The following RAB3IL1 variants were observed in gnomAD, a reference collection of about 807,000 sequenced individuals.
RAB3IL1 encodes guanine nucleotide exchange factor for Rab-3A.
Under a neutral mutation model 49.2 loss-of-function variants are expected in RAB3IL1, and 37 were observed. The ratio of observed to expected loss-of-function variants is 0.75; its 90% CI spans 0.58 to 0.99. RAB3IL1 has a LOEUF of 0.99. Ranked by LOEUF, RAB3IL1 falls within the 50% of genes least tolerant of loss-of-function variation. The probability of loss-of-function intolerance (pLI) is 0.00; values close to 1 mark genes in which losing one functional copy is unlikely to be tolerated. For missense variants in RAB3IL1, 484 were observed against 513.0 expected (o/e 0.94, Z 0.55); for synonymous variants, 193 against 213.9 (o/e 0.90, Z 0.85).
At position 61,899,443 on chromosome 11, in the gene RAB3IL1, G is replaced by A. The variant is rs1481834028; in HGVS notation, c.1000-63C>T. On this transcript the variant is annotated intron_variant, in intron 8 of 9. Transcript: ENST00000394836. ...CCACGCTGGGGGTCCCCTGACAGGCGGATCTGAGTCCAGAGCAGGAGGCCC... is the reference window on the plus strand; with the variant it reads ...CCACGCTGGGGGTCCCCTGACAGGCAGATCTGAGTCCAGAGCAGGAGGCCC... 19 of 1,518,084 alleles carry A rather than the reference G, an allele frequency of 1.3e-5. 1 individual carries two copies. The highest frequency in any genetic ancestry group is 9.2e-5 in the South Asian group (8 of 86,538). 94.0% of individuals were successfully genotyped at this position (1,518,084 alleles called of 1,614,324 possible).
chr11:61,944,977 A>G, the RAB3IL1 span, among the ~76,000 whole-genome samples: 1 of 152,202 alleles, frequency 6.6e-6, no homozygotes, highest in African/African-American at 2.4e-5. Context: ...CTGGGATTAC[A>G]GGTAGGAGCC....
At chr11:61,945,061 T>A in the RAB3IL1 span, among the ~76,000 whole-genome samples, 1 of 152,164 alleles carries the variant, frequency 6.6e-6, no homozygotes, top group East Asian at 1.9e-4. Context: ...AGGCTGTAGC[T>A]GTGGAAGCCC....
upstream of RAB3IL1, among the ~76,000 whole-genome samples, chr11:61,919,575 C>T (rs770817082): frequency 9.9e-5 from 15 of 152,240 alleles, no homozygotes; most frequent in Admixed American, 3.3e-4. Flanking sequence ...ACTAGAGGCT[C>T]ACTGGCAGCT....
Position 61,917,555 on chromosome 11 carries a change from T to C in RAB3IL1, c.-188A>G. ...CCCCAGCCCAGCCCCGACCCTGCCC[T>C]GGGCGGGTCACGTGGCGGAGGGGGG... is the stretch of plus-strand genomic sequence containing the variant. On this transcript the variant is annotated 5_prime_UTR_variant, in exon 1 of 10. Transcript: ENST00000394836. 1 of 1,096,800 alleles carries C rather than the reference T, an allele frequency of 9.1e-7. No individual in the cohort carries two copies. Among genetic ancestry groups the C allele is most frequent in the Non-Finnish European group, 1.1e-6 (1 of 903,528 alleles). 67.9% of individuals were successfully genotyped at this position (1,096,800 alleles called of 1,614,324 possible). A position where few individuals can be genotyped will look rare whatever the true frequency, so the allele number is the denominator to read the frequency against.
chr11:61,923,435 A>T (rs1939947729), upstream of RAB3IL1, among the ~76,000 whole-genome samples: 1 of 152,082 alleles, frequency 6.6e-6, no homozygotes. Context: ...TCACGAGGGG[A>T]GGCTCACAAG....
In RAB3IL1 at chr11:61,906,797, TC is replaced by T; in HGVS notation, c.439-114del. The T allele has an allele frequency of 9.9e-7, 1 of 1,009,638 alleles. No individual in the cohort carries two copies. The highest frequency in any genetic ancestry group is 1.6e-5 in the African/African-American group (1 of 63,230). The allele number at this position is 1,009,638 out of a possible 1,614,324, so 62.5% of individuals were successfully genotyped here. On this transcript the variant is annotated intron_variant, in intron 4 of 9. Coordinates refer to ENST00000394836, the MANE Select transcript of RAB3IL1 (RefSeq NM_013401.4). The surrounding 1 kb of genome is among the most constrained non-coding windows in gnomAD (Gnocchi z 4.6). ...CACCCCTGCAGTGACAGGCACTTAGTCCCACCCGACGCCCTCAGAACAGCCT... is the reference window on the plus strand; with the variant it reads ...CACCCCTGCAGTGACAGGCACTTAGTCCACCCGACGCCCTCAGAACAGCCT...
chr11:61,899,285 C>A (rs746752248), intron 9 of RAB3IL1, 29 bp downstream of exon 9: 1 of 1,596,056 alleles, frequency 6.3e-7, no homozygotes, highest in South Asian at 1.1e-5. Context: ...CGTGTGCGAT[C>A]CCTGCACCGG....
intron 1 of RAB3IL1, among the ~76,000 whole-genome samples, chr11:61,911,901 C>T (rs1171962923): frequency 6.6e-6 from 1 of 152,088 alleles, no homozygotes; most frequent in Non-Finnish European, 1.5e-5. Context: ...CCAGGCCCAC[C>T]CTAGGAGGGC....
chr11:61,908,124 C>A lies in RAB3IL1; in HGVS notation c.194G>T (p.Arg65Leu). 1.2e-6 allele frequency: 2 copies of A among 1,606,314 alleles called. No individual in the cohort carries two copies. Among genetic ancestry groups the A allele is most frequent in the Non-Finnish European group, 8.5e-7 (1 of 1,178,202 alleles). ...AAAQLDVLRL[R>L]SSSMEIREKG... The stretch of plus-strand genomic sequence containing the variant: ...CTCTCGGATCTCCATGGAAGAGCTG[C>A]GCAGGCGCAACACGTCCAGCTGGGC... Residue 65 changes from arginine to leucine, a missense_variant, in exon 2 of 10, where the codon CGC (arginine) becomes CTC (leucine). Transcript: ENST00000394836.
chr11:61,905,012 G>T, intron 5 of RAB3IL1, 130 bp from the exon 6 acceptor site: 1 of 683,962 alleles, frequency 1.5e-6, no homozygotes, highest in Non-Finnish European at 2.5e-6. Flanking sequence ...TCGATCCCCA[G>T]CAGCCGTGCA....
chr11:61,931,117 G>A, the RAB3IL1 span, among the ~76,000 whole-genome samples: 16 of 152,108 alleles, frequency 1.1e-4, no homozygotes, highest in Non-Finnish European at 1.9e-4. Flanking sequence ...AGATCAAAGC[G>A]AACCGATAAG....
chr11:61,939,157 T>G, the RAB3IL1 span, among the ~76,000 whole-genome samples: 1 of 152,032 alleles, frequency 6.6e-6, no homozygotes, highest in South Asian at 2.1e-4. Flanking sequence ...TCTTAATAAA[T>G]TTTAAAGAAT....
In RAB3IL1 at chr11:61,908,281, G is replaced by A; in HGVS notation, c.37C>T (p.Pro13Ser). Residue 13 changes from proline to serine, a missense_variant, in exon 2 of 10, where the codon CCG becomes TCG. Transcript: ENST00000394836. ...SGPPQPDQGL[P>S]PPLAAVPVPW... ...ACCGGGACAGCTGCAAGGGGCGGCG[G>A]GAGGCCCTGGTCTGGCTGGGGTGGG... is the stretch of plus-strand genomic sequence containing the variant. The A allele has an allele frequency of 2.0e-6, 3 of 1,497,262 alleles. No individual in the cohort carries two copies. The highest frequency in any genetic ancestry group is 2.7e-6 in the Non-Finnish European group (3 of 1,125,622). The allele number at this position is 1,497,262 out of a possible 1,614,324, so 92.7% of individuals were successfully genotyped here.
chr11:61,944,134 A>G, the RAB3IL1 span, among the ~76,000 whole-genome samples: 4 of 151,994 alleles, frequency 2.6e-5, no homozygotes, highest in East Asian at 7.7e-4. Context: ...AACCTCCTCA[A>G]CAAAGTAAAA....
the RAB3IL1 span, among the ~76,000 whole-genome samples, chr11:61,941,521 G>A: frequency 6.6e-6 from 1 of 152,220 alleles, no homozygotes; most frequent in Non-Finnish European, 1.5e-5. Context: ...GGGAGGCTGA[G>A]GCAGGTGTAT....
In RAB3IL1 at chr11:61,907,553, C is replaced by T. The variant is rs571141121; in HGVS notation, c.360+12G>A. The T allele has an allele frequency of 8.2e-5, 133 of 1,614,102 alleles. 1 individual carries two copies. In the South Asian group the frequency reaches 1.3e-3, roughly 16 times the overall value. On this transcript the variant is annotated intron_variant, in intron 3 of 9. Transcript: ENST00000394836. The stretch of plus-strand genomic sequence containing the variant: ...CCATTCCCCAAGTTGTTCCCGCGCC[C>T]AGCCGGTGTACCTCAAACAGGCTGG...
Position 61,907,477 on chromosome 11 carries a change from A to G in RAB3IL1, c.361-7T>C, listed in dbSNP as rs377428907. 5.4e-5 allele frequency: 87 copies of G among 1,614,180 alleles called. No individual in the cohort carries two copies. In the African/African-American group the frequency reaches 1.1e-3, roughly 21 times the overall value. ...GAACCATCTTGTGAGCTTCCTAGGAAGAAGGCAGTCCCTGCGTGAGTGGTG... is the reference window on the plus strand; with the variant it reads ...GAACCATCTTGTGAGCTTCCTAGGAGGAAGGCAGTCCCTGCGTGAGTGGTG... On this transcript the variant is annotated splice_polypyrimidine_tract_variant and splice_region_variant and intron_variant, in intron 3 of 9. Transcript: ENST00000394836.
intron 1 of RAB3IL1, among the ~76,000 whole-genome samples, chr11:61,912,049 C>T (rs999681442): frequency 6.6e-6 from 1 of 152,328 alleles, no homozygotes; most frequent in African/African-American, 2.4e-5. Context: ...CCCAAGATGA[C>T]CCTGTCCAGT....
rs1216927016 is a variant in RAB3IL1, at chr11:61,908,066, G to A, written c.252C>T (p.His84=). The A allele has an allele frequency of 6.2e-7, 1 of 1,611,168 alleles. No individual in the cohort carries two copies. The highest frequency in any genetic ancestry group is 1.1e-5 in the South Asian group (1 of 90,966). The stretch of plus-strand genomic sequence containing the variant: ...TGCAGGCACCCACCTTCTGCGCTCT[G>A]TGCAGCTCCTCCTTCAGGAACTCGG... The part of the protein sequence containing the change: ...KGSEFLKEEL[H]RAQKELKLKD... Residue 84 remains histidine (H), a synonymous_variant, in exon 2 of 10, where the codon CAC becomes CAT. Transcript: ENST00000394836.
Sources: gnomAD v4.1 joint callset for allele counts (sites outside exome capture counted in the v4.1 genomes callset) on GRCh38, gnomAD v4.1.1 for gene constraint, Gnocchi (gnomAD v3.1) non-coding constraint, MANE v1.5 for transcripts, NCBI Gene and HGNC (gene_info 2026-07-23, HGNC 2026-07-21) for gene names.